LEFTY2: variants seen among roughly 807,000 people sequenced by gnomAD.
LEFTY2 encodes the protein left-right determination factor 2, also known as TGF-beta-4.
A neutral mutation model predicts 26.4 loss-of-function variants in LEFTY2; 10 were observed. The ratio of observed to expected loss-of-function variants is 0.38; its 90% confidence interval spans 0.23 to 0.64. The LOEUF (loss-of-function observed/expected upper bound fraction) is 0.64, where lower values mean the gene tolerates loss of function less well. Among genes scored for constraint, LEFTY2 ranks in the 30% least tolerant of loss-of-function variants. The pLI is 0.56. For missense variants in LEFTY2, 407 were observed against 502.1 expected, an observed-to-expected ratio of 0.81 and a Z score of 1.81; for synonymous variants, 204 against 234.1, an observed-to-expected ratio of 0.87 and a Z score of 1.17.
rs751976627 is a variant in LEFTY2, at chr1:225,939,414, G to T, written c.684C>A (p.Ala228=). The T allele has an allele frequency of 1.3e-5, 21 of 1,612,686 alleles. No homozygotes were observed. Among genetic ancestry groups the T allele is most frequent in the Non-Finnish European group, 1.8e-5 (21 of 1,179,660 alleles). The part of the protein sequence containing the change: ...LVRFASQGAP[A]GLGEPQLELH... ...GCTCCAGCTGGGGCTCCCCAAGCCCGGCTGGCGCCCCCTGCGAGGCAAAGC... is the reference window on the plus strand; with the variant it reads ...GCTCCAGCTGGGGCTCCCCAAGCCCTGCTGGCGCCCCCTGCGAGGCAAAGC... The change falls in exon 3 of 4, where the codon GCC becomes GCA. Residue 228 remains alanine (A), a synonymous_variant. Coordinates refer to ENST00000366820, the MANE Select transcript of LEFTY2 (RefSeq NM_003240.5). The surrounding 1 kb of genome is among the most constrained non-coding windows in gnomAD (Gnocchi z 4.1).
At position 225,939,976 on chromosome 1, in the gene LEFTY2, C is replaced by G. The variant is rs1201081931; in HGVS notation, c.277G>C (p.Glu93Gln). 6.3e-7 allele frequency: 1 copy of G among 1,595,540 alleles called. No individual in the cohort carries two copies. The highest frequency in any genetic ancestry group is 2.2e-5 in the East Asian group (1 of 44,888). Reference sequence around the variant, plus strand: ...AACACCAGCAGGTGTGTGCTGGCCTCCGACGCCAGGAACCTGCCGGCCACC... The same window carrying G: ...AACACCAGCAGGTGTGTGCTGGCCTGCGACGCCAGGAACCTGCCGGCCACC... ...REVAGRFLAS[E>Q]ASTHLLVFGM... The change falls in exon 2 of 4, where the codon GAG becomes CAG. Residue 93 changes from glutamate to glutamine, a missense_variant. Transcript: ENST00000366820. This position sits in a 1 kb window ranked among gnomAD's most constrained non-coding sequence, Gnocchi z 4.1.
Position 225,941,078 on chromosome 1 carries a change from G to A in LEFTY2, c.63C>T (p.Ala21=). The A allele has an allele frequency of 6.2e-7, 1 of 1,600,514 alleles. No homozygotes were observed. Among genetic ancestry groups the A allele is most frequent in the South Asian group, 1.1e-5 (1 of 90,194 alleles). The change falls in exon 1 of 4, where the codon GCC becomes GCT. Residue 21 remains alanine, a synonymous_variant. Coordinates refer to ENST00000366820, the MANE Select transcript of LEFTY2 (RefSeq NM_003240.5). ...WVLPLAGPGA[A]LTEEQLLGSL... ...TGCCCAGGAGCTGCTCCTCGGTCAG[G>A]GCCGCCCCGGGGCCAGCCAGGGGCA...
Position 225,939,275 on chromosome 1 carries a change from C to T in LEFTY2, c.737+86G>A, listed in dbSNP as rs1672238065. On this transcript the variant is annotated intron_variant, in intron 3 of 3. Coordinates refer to ENST00000366820, the MANE Select transcript of LEFTY2 (RefSeq NM_003240.5). This position sits in a 1 kb window ranked among gnomAD's most constrained non-coding sequence, Gnocchi z 4.1. ...CTCCCTACCCCTAGCCCACCGCCAC[C>T]ATCCGGTCCCCCAGACAGTCCTGGG... 1.3e-6 allele frequency: 2 copies of T among 1,589,770 alleles called. No homozygotes were observed. The highest frequency in any genetic ancestry group is 3.5e-5 in the Admixed American group (2 of 56,888).
rs1401223404 is a variant in LEFTY2 at position 225,939,811 on chromosome 1, C to G, written c.442G>C (p.Glu148Gln). 1.3e-6 allele frequency: 2 copies of G among 1,557,092 alleles called. No individual in the cohort carries two copies. The highest frequency in any genetic ancestry group is 1.3e-5 in the African/African-American group (1 of 74,192). ...PRSAQARVTVEWLRVRDDGSN... is the reference protein window; with the variant it reads ...PRSAQARVTVQWLRVRDDGSN... ...CCGTCGTCGCGGACGCGCAGCCACT[C>G]GACGGTCACCCGGGCCTGGGCGCTG... The change falls in exon 2 of 4, where the codon GAG becomes CAG. Residue 148 changes from glutamate to glutamine, a missense_variant. Coordinates refer to ENST00000366820, the MANE Select transcript of LEFTY2 (RefSeq NM_003240.5). The surrounding 1 kb of genome is among the most constrained non-coding windows in gnomAD (Gnocchi z 4.1).
intron 1 of LEFTY2, among the ~76,000 whole-genome samples, chr1:225,940,333 T>C (rs1488110825): frequency 6.6e-6 from 1 of 152,192 alleles, no homozygotes; most frequent in Non-Finnish European, 1.5e-5. Context: ...TCAGGCCCAG[T>C]TGCACCCCTG....
chr1:225,937,608 C>A lies in LEFTY2; in HGVS notation c.934G>T (p.Gly312Trp). The part of the protein sequence containing the change: ...EALAFNWPFL[G>W]PRQCIASETA... ...TCCGAGGCGATACACTGTCGCGGCC[C>A]CAGAAATGGCCAATTGAAGGCCAGG... The change falls in exon 4 of 4, where the codon GGG becomes TGG. Residue 312 changes from glycine to tryptophan, a missense_variant. Transcript: ENST00000366820. The A allele has an allele frequency of 6.2e-7, 1 of 1,614,128 alleles. No individual in the cohort carries two copies.
At chr1:225,940,037 G>A (rs772252890) in intron 1 of LEFTY2, 35 bp from the exon 2 acceptor site, 1 of 1,595,140 alleles carries the variant, frequency 6.3e-7, no homozygotes, top group South Asian at 1.1e-5. Flanking sequence ...GGGCCTCCCC[G>A]GACTCCAGCG....
In LEFTY2 at chr1:225,939,339, T is replaced by C. The variant is rs768796043; in HGVS notation, c.737+22A>G. 8 of 1,613,268 alleles carry C rather than the reference T, an allele frequency of 5.0e-6. No homozygotes were observed. On this transcript the variant is annotated intron_variant, in intron 3 of 3. Coordinates refer to ENST00000366820, the MANE Select transcript of LEFTY2 (RefSeq NM_003240.5). This position sits in a 1 kb window ranked among gnomAD's most constrained non-coding sequence, Gnocchi z 4.1. ...ACCACTCAGTGGCTGCTTGCCTCCC[T>C]TCTGCCCAGTCCTGCACCTACCCAT...
intron 1 of LEFTY2, 111 bp from the exon 2 acceptor site, chr1:225,940,113 C>A: frequency 1.3e-6 from 2 of 1,527,318 alleles, no homozygotes; most frequent in South Asian, 2.3e-5. Context: ...CCTGTTCTAT[C>A]TCTGGGGCAA....
intron 3 of LEFTY2, among the ~76,000 whole-genome samples, chr1:225,938,153 C>T (rs1238450272): frequency 6.6e-6 from 1 of 152,196 alleles, no homozygotes; most frequent in African/African-American, 2.4e-5. Context: ...AGAGGACCTA[C>T]AGCCAGTGGA....
rs1221603027 is a variant in LEFTY2, at chr1:225,939,015, G to A, written c.737+346C>T. On this transcript the variant is annotated intron_variant, in intron 3 of 3. Coordinates refer to ENST00000366820, the MANE Select transcript of LEFTY2 (RefSeq NM_003240.5). The surrounding 1 kb of genome is among the most constrained non-coding windows in gnomAD (Gnocchi z 4.1). ...GCCTCCTGAGTAGCTGGGATTACAG[G>A]CACGCGCCACCACGCCCGGCTAATT... 6.6e-6 allele frequency among the ~76,000 whole-genome samples: 1 copy of A among 151,720 alleles called. No individual in the cohort carries two copies. Among genetic ancestry groups the A allele is most frequent in the East Asian group, 1.9e-4 (1 of 5,156 alleles).
chr1:225,940,686 C>T (rs775090991), intron 1 of LEFTY2, among the ~76,000 whole-genome samples: 8 of 152,214 alleles, frequency 5.3e-5, no homozygotes, highest in Non-Finnish European at 1.0e-4. Flanking sequence ...TGGTGCACCT[C>T]CCCTGGGCTG....
intron 1 of LEFTY2, 113 bp downstream of exon 1, chr1:225,940,778 A>G: frequency 6.6e-7 from 1 of 1,521,628 alleles, no homozygotes. Flanking sequence ...TGGCCCTCAC[A>G]CAGCCTCCCA....
At position 225,939,399 on chromosome 1, in the gene LEFTY2, G is replaced by C. The variant is rs758918698; in HGVS notation, c.699C>G (p.Pro233=). 1.1e-5 allele frequency: 18 copies of C among 1,613,440 alleles called. No homozygotes were observed. Among genetic ancestry groups the C allele is most frequent in the South Asian group, 5.5e-5 (5 of 91,052 alleles). Residue 233 remains proline, a synonymous_variant, in exon 3 of 4, where the codon CCC becomes CCG. Transcript: ENST00000366820. The surrounding 1 kb of genome is among the most constrained non-coding windows in gnomAD (Gnocchi z 4.1). The part of the protein sequence containing the change: ...SQGAPAGLGE[P]QLELHTLDLR... ...GGTCCAGGGTGTGCAGCTCCAGCTG[G>C]GGCTCCCCAAGCCCGGCTGGCGCCC... is the stretch of plus-strand genomic sequence containing the variant.
At chr1:225,938,764 A>G (rs1240558376) in intron 3 of LEFTY2, among the ~76,000 whole-genome samples, 3 of 151,646 alleles carry the variant, frequency 2.0e-5, no homozygotes, top group South Asian at 2.1e-4. Context: ...GCTTTAAGCA[A>G]TCCTCCACCT....
intron 1 of LEFTY2, 161 bp from the exon 2 acceptor site, chr1:225,940,163 A>G: frequency 8.2e-7 from 1 of 1,215,934 alleles, no homozygotes; most frequent in Non-Finnish European, 1.2e-6. Flanking sequence ...GGCCTTGTTT[A>G]GTAACAATTT....
Position 225,937,447 on chromosome 1 carries a change from C to A in LEFTY2, c.1095G>T (p.Gln365His). 6.2e-7 allele frequency: 1 copy of A among 1,613,938 alleles called. No homozygotes were observed. The highest frequency in any genetic ancestry group is 1.1e-5 in the South Asian group (1 of 91,080). The stretch of plus-strand genomic sequence containing the variant: ...CAATGGATACACCAGGCGCCTATGG[C>A]TGGAGCCTCCTTGGCACGAGCGCCC... The part of the protein sequence containing the change: ...SDGALVPRRL[Q>H]P The change falls in exon 4 of 4, where the codon CAG becomes CAT. Residue 365 changes from glutamine to histidine, a missense_variant. Physicochemically the swap from Gln to His is conservative, Grantham distance 24. Transcript: ENST00000366820.
intron 1 of LEFTY2, 85 bp downstream of exon 1, chr1:225,940,806 A>AGG (rs1432925473): frequency 6.3e-7 from 1 of 1,595,780 alleles, no homozygotes; most frequent in Non-Finnish European, 8.6e-7. Flanking sequence ...CCAAAAGGCC[A>AGG]GGGGCCCTTC....
rs564349792 is a variant in LEFTY2, at chr1:225,939,262, A to G, written c.737+99T>C. ...TCTGCACCGCGCTCTCCCTACCCCT[A>G]GCCCACCGCCACCATCCGGTCCCCC... On this transcript the variant is annotated intron_variant, in intron 3 of 3. Coordinates refer to ENST00000366820, the MANE Select transcript of LEFTY2 (RefSeq NM_003240.5). This position sits in a 1 kb window ranked among gnomAD's most constrained non-coding sequence, Gnocchi z 4.1. 1.3e-6 allele frequency: 2 copies of G among 1,568,760 alleles called. No individual in the cohort carries two copies. Among genetic ancestry groups the G allele is most frequent in the South Asian group, 2.3e-5 (2 of 86,664 alleles).
Sources: allele counts gnomAD v4.1 joint callset (sites outside exome capture counted in the v4.1 genomes callset), GRCh38; gene constraint gnomAD v4.1.1; non-coding constraint Gnocchi (gnomAD v3.1); transcripts MANE v1.5; gene names NCBI Gene and HGNC (gene_info 2026-07-23, HGNC 2026-07-21).